PPARG: variants seen among roughly 807,000 people sequenced by gnomAD.
PPARG encodes peroxisome proliferator activated receptor gamma.
In PPARG, 17 loss-of-function variants were observed where a neutral mutation model predicts 39.2. That is an observed-to-expected ratio of 0.43 (90% CI 0.30 to 0.65). The LOEUF (loss-of-function observed/expected upper bound fraction) is 0.65. Ranked by LOEUF, PPARG falls within the 30% of genes least tolerant of loss-of-function variation. The pLI is 0.13. For synonymous variants in PPARG, 223 were observed against 215.7 expected, an observed-to-expected ratio of 1.03 and a Z score of -0.30; for missense variants, 406 against 585.9, an observed-to-expected ratio of 0.69 and a Z score of 3.17.
chr3:12,359,005 A>G (rs960711011), intron 2 of PPARG, among the ~76,000 whole-genome samples: 2 of 152,178 alleles, frequency 1.3e-5, no homozygotes, highest in African/African-American at 4.8e-5. Flanking sequence ...CATAATTTGG[A>G]CACCATGTCT....
intron 2 of PPARG, among the ~76,000 whole-genome samples, chr3:12,346,561 A>G (rs2048332603): frequency 6.6e-6 from 1 of 152,024 alleles, no homozygotes; most frequent in Non-Finnish European, 1.5e-5. Flanking sequence ...CTCCAATGTC[A>G]GTGTTCTTTT....
At chr3:12,308,356 A>G (rs993367825) in intron 1 of PPARG, among the ~76,000 whole-genome samples, 67 of 149,316 alleles carry the variant, frequency 4.5e-4, no homozygotes, top group African/African-American at 1.5e-3. Context: ...AAAAAAAAAA[A>G]AAAAAAAAAA....
chr3:12,352,355 T>G (rs2048515072), intron 2 of PPARG, among the ~76,000 whole-genome samples: 1 of 152,218 alleles, frequency 6.6e-6, no homozygotes. Flanking sequence ...AAATGCCTAT[T>G]GCAAGTGACT....
At chr3:12,295,355 T>A (rs943135676) in intron 1 of PPARG, among the ~76,000 whole-genome samples, 2 of 152,120 alleles carry the variant, frequency 1.3e-5, no homozygotes, top group African/African-American at 2.4e-5. Context: ...ATATGTCAAG[T>A]ATAATCCAGA....
intron 7 of PPARG, among the ~76,000 whole-genome samples, chr3:12,422,428 C>G (rs2051294768): frequency 6.6e-6 from 1 of 152,200 alleles, no homozygotes; most frequent in South Asian, 2.1e-4. Flanking sequence ...GGTTCAGACC[C>G]AGGTCTCTCA....
intron 7 of PPARG, among the ~76,000 whole-genome samples, chr3:12,417,877 CT>C (rs1248011965): frequency 0.13 from 8,259 of 64,442 alleles, 882 homozygotes; most frequent in African/African-American, 0.36. Flanking sequence ...TGACTTTTTT[CT>C]TTTTTTTTTC....
At chr3:12,313,706 G>A (rs1186954007) in intron 2 of PPARG, among the ~76,000 whole-genome samples, 1 of 152,086 alleles carries the variant, frequency 6.6e-6, no homozygotes, top group Admixed American at 6.5e-5. Flanking sequence ...AGGATGTTGT[G>A]GTCAGCCTGA....
At chr3:12,419,765 A>G (rs1431705843) in intron 7 of PPARG, among the ~76,000 whole-genome samples, 1 of 152,114 alleles carries the variant, frequency 6.6e-6, no homozygotes, top group Non-Finnish European at 1.5e-5. Context: ...CTGCACCCAG[A>G]CTATTTATCT....
chr3:12,366,067 A>G (rs992839897), intron 2 of PPARG, among the ~76,000 whole-genome samples: 13 of 152,006 alleles, frequency 8.6e-5, no homozygotes, highest in Non-Finnish European at 1.8e-4. Context: ...TCATTCTTTG[A>G]TATCTTTCAT....
chr3:12,369,277 A>G (rs1427814662), intron 2 of PPARG, among the ~76,000 whole-genome samples: 1 of 152,162 alleles, frequency 6.6e-6, no homozygotes, highest in Non-Finnish European at 1.5e-5. Context: ...ACATCGCTTG[A>G]GCCCAGGAGT....
At chr3:12,383,294 T>C (rs2972162) in intron 4 of PPARG, among the ~76,000 whole-genome samples, 83,119 of 152,038 alleles carry the variant, frequency 0.55, 23,431 homozygotes, top group African/African-American at 0.68. Context: ...TAAAACCCGT[T>C]CGTTCTGTAA....
chr3:12,415,083 G>A (rs1445227787), intron 6 of PPARG, among the ~76,000 whole-genome samples: 1 of 152,098 alleles, frequency 6.6e-6, no homozygotes. Flanking sequence ...CGGCTGCCAC[G>A]GCCACTCATG....
chr3:12,383,429 G>C (rs762441835), intron 4 of PPARG, among the ~76,000 whole-genome samples: 1 of 152,032 alleles, frequency 6.6e-6, no homozygotes, highest in Admixed American at 6.6e-5. Flanking sequence ...TGAATGTTTT[G>C]TGGTTTTATT....
At chr3:12,311,446 G>C (rs1166903286) in intron 1 of PPARG, among the ~76,000 whole-genome samples, 2 of 152,090 alleles carry the variant, frequency 1.3e-5, no homozygotes, top group Non-Finnish European at 1.5e-5. Flanking sequence ...AAATACGTTG[G>C]CTATAGTTTA....
intron 2 of PPARG, among the ~76,000 whole-genome samples, chr3:12,323,142 CTG>C: frequency 6.6e-6 from 1 of 151,902 alleles, no homozygotes. Flanking sequence ...GATTTGATGA[CTG>C]AATAAAAAAT....
chr3:12,331,412 G>C (rs192736449), intron 2 of PPARG, among the ~76,000 whole-genome samples: 1 of 152,336 alleles, frequency 6.6e-6, no homozygotes, highest in East Asian at 1.9e-4. Context: ...GTGGGAAACA[G>C]CTTAGTTTAC....
chr3:12,303,122 C>T (rs1258225517), intron 1 of PPARG, among the ~76,000 whole-genome samples: 1 of 152,146 alleles, frequency 6.6e-6, no homozygotes, highest in African/African-American at 2.4e-5. Flanking sequence ...GACAAGAAAA[C>T]TTCCTTCATG....
At chr3:12,360,613 A>G (rs1271040837) in intron 2 of PPARG, among the ~76,000 whole-genome samples, 4 of 151,312 alleles carry the variant, frequency 2.6e-5, no homozygotes, top group African/African-American at 9.7e-5. Flanking sequence ...GCACTCCAGA[A>G]GCCCTCTGAC....
At chr3:12,325,909 G>T (rs895005536) in intron 2 of PPARG, among the ~76,000 whole-genome samples, 1 of 151,876 alleles carries the variant, frequency 6.6e-6, no homozygotes, top group African/African-American at 2.4e-5. Context: ...GTTTTCGGTC[G>T]TTCATTAGTT....
Sources: gnomAD v4.1 joint callset for allele counts (sites outside exome capture counted in the v4.1 genomes callset) on GRCh38, gnomAD v4.1.1 for gene constraint, MANE v1.5 for transcripts, NCBI Gene and HGNC (gene_info 2026-07-23, HGNC 2026-07-21) for gene names.